DGKI: variants seen among roughly 807,000 people sequenced by gnomAD.
The protein encoded by DGKI is diacylglycerol kinase iota.
Under a neutral mutation model 147.5 loss-of-function variants are expected in DGKI, and 55 were observed. The observed-to-expected ratio is 0.37, with a 90% CI of 0.30 to 0.47. DGKI has a LOEUF of 0.47. Among genes scored for constraint, DGKI ranks in the 20% least tolerant of loss-of-function variants. The probability of loss-of-function intolerance (pLI) is 1.00; values close to 1 mark genes in which losing one functional copy is unlikely to be tolerated. For missense variants in DGKI, 1,007 were observed against 1,323.8 expected (o/e 0.76, Z 3.71); for synonymous variants, 469 against 477.1 (o/e 0.98, Z 0.22).
chr7:137,626,285 G>A (rs1394220051), intron 6 of DGKI, among the ~76,000 whole-genome samples: 1 of 150,962 alleles, frequency 6.6e-6, no homozygotes, highest in Non-Finnish European at 1.5e-5. Flanking sequence ...CTCTGTCAAT[G>A]ACAGTATCTT....
chr7:137,646,390 C>T (rs544570038), intron 5 of DGKI, among the ~76,000 whole-genome samples: 1 of 152,270 alleles, frequency 6.6e-6, no homozygotes, highest in Non-Finnish European at 1.5e-5. Context: ...CCTTGGGCAC[C>T]TTGAACTATT....
At chr7:137,444,250 A>G in intron 27 of DGKI, 148 bp from the exon 28 acceptor site, 1 of 553,728 alleles carries the variant, frequency 1.8e-6, no homozygotes, top group Non-Finnish European at 3.1e-6. Context: ...ATTGCATGGT[A>G]TATTTCAATC....
chr7:137,420,170 T>A (rs1239299381), intron 28 of DGKI, among the ~76,000 whole-genome samples: 1 of 152,202 alleles, frequency 6.6e-6, no homozygotes, highest in Admixed American at 6.5e-5. Context: ...CTTCTTGGGC[T>A]TTCTTATAAG....
chr7:137,491,000 T>C (rs1223640043), intron 21 of DGKI, among the ~76,000 whole-genome samples: 1 of 152,200 alleles, frequency 6.6e-6, no homozygotes, highest in Admixed American at 6.5e-5. Flanking sequence ...AATAAATAGA[T>C]TTTTAAAAGA....
chr7:137,433,187 G>A (rs1813146534), intron 28 of DGKI, among the ~76,000 whole-genome samples: 1 of 152,172 alleles, frequency 6.6e-6, no homozygotes, highest in Non-Finnish European at 1.5e-5. Flanking sequence ...GACCTAAGCA[G>A]CTATAATTGA....
chr7:137,772,342 C>T (rs1796227594), intron 1 of DGKI: 1 of 152,174 alleles, frequency 6.6e-6, no homozygotes, highest in African/African-American at 2.4e-5. Context: ...GTCTCCCCAA[C>T]TAGACTGTGA....
chr7:137,606,541 A>G lies in DGKI; in HGVS notation c.1167+2425T>C, dbSNP rs371643970. Among the ~76,000 whole-genome samples, 36 of 152,348 alleles carry G rather than the reference A, an allele frequency of 2.4e-4. 2 individuals are homozygous for G. In the South Asian group the frequency reaches 6.4e-3, roughly 27 times the overall value. On this transcript the variant is annotated intron_variant, in intron 10 of 32. Coordinates refer to ENST00000614521, the MANE Select transcript of DGKI (RefSeq NM_001321708.2). ...CCTGCGAGCTTATTACGAATGCAGC[A>G]TCTTAGGGCCCACCCCGACTTACTG...
intron 1 of DGKI, among the ~76,000 whole-genome samples, chr7:137,749,813 G>A (rs1795444919): frequency 6.6e-6 from 1 of 152,006 alleles, no homozygotes; most frequent in African/African-American, 2.4e-5. Flanking sequence ...CCTAAATGGT[G>A]CTCAATAAAT....
At chr7:137,640,530 A>G (rs539891176) in intron 6 of DGKI, among the ~76,000 whole-genome samples, 32 of 152,286 alleles carry the variant, frequency 2.1e-4, no homozygotes, top group Non-Finnish European at 3.7e-4. Context: ...AACCTGCCCA[A>G]TGAGTGCATG....
At chr7:137,618,146 TA>T (rs1442172984) in intron 8 of DGKI, among the ~76,000 whole-genome samples, 398 of 18,228 alleles carry the variant, frequency 0.022, 30 homozygotes, top group African/African-American at 0.051. Flanking sequence ...TATATATATA[TA>T]TATATTTTTT....
intron 27 of DGKI, among the ~76,000 whole-genome samples, chr7:137,453,584 G>A (rs1313354104): frequency 6.6e-6 from 1 of 152,166 alleles, no homozygotes; most frequent in African/African-American, 2.4e-5. Context: ...CAAACACACA[G>A]AGTGGCATTG....
At chr7:137,480,402 A>G (rs943498358) in intron 23 of DGKI, among the ~76,000 whole-genome samples, 5 of 152,194 alleles carry the variant, frequency 3.3e-5, no homozygotes, top group African/African-American at 7.2e-5. Context: ...GAAAGGAGAG[A>G]GATGAATAAG....
chr7:137,426,750 C>G (rs1172422721), intron 28 of DGKI, among the ~76,000 whole-genome samples: 7 of 151,170 alleles, frequency 4.6e-5, no homozygotes, highest in Non-Finnish European at 5.9e-5. Flanking sequence ...GGTTGCAATC[C>G]TAGTCTCTGA....
intron 15 of DGKI, among the ~76,000 whole-genome samples, chr7:137,579,915 T>C (rs994335091): frequency 1.3e-5 from 2 of 152,094 alleles, no homozygotes; most frequent in Non-Finnish European, 2.9e-5. Context: ...CAGCTTAAAA[T>C]AAAAGAGAAA....
chr7:137,782,984 G>A (rs927580639), intron 1 of DGKI, among the ~76,000 whole-genome samples: 7 of 152,154 alleles, frequency 4.6e-5, no homozygotes, highest in African/African-American at 1.2e-4. Flanking sequence ...AAACAGCAGC[G>A]CTTGAAGCCC....
At chr7:137,424,638 A>G (rs1304267622) in intron 28 of DGKI, among the ~76,000 whole-genome samples, 1 of 152,188 alleles carries the variant, frequency 6.6e-6, no homozygotes, top group African/African-American at 2.4e-5. Flanking sequence ...TGCTAGTCAG[A>G]GAAAGGGGTG....
chr7:137,774,453 A>T (rs547737980), intron 1 of DGKI: 1 of 152,294 alleles, frequency 6.6e-6, no homozygotes, highest in East Asian at 1.9e-4. Context: ...GTAAAAAAAA[A>T]TTTAAATGTC....
At chr7:137,548,327 T>C (rs1817930773) in intron 20 of DGKI, among the ~76,000 whole-genome samples, 1 of 152,150 alleles carries the variant, frequency 6.6e-6, no homozygotes, top group South Asian at 2.1e-4. Context: ...TGGATGTGTG[T>C]CCCATCCAAA....
chr7:137,473,402 T>C (rs1815055437), intron 23 of DGKI, among the ~76,000 whole-genome samples: 1 of 152,116 alleles, frequency 6.6e-6, no homozygotes, highest in South Asian at 2.1e-4. Context: ...CTCTCCAAAA[T>C]TGTATGCCAG....
Sources: gnomAD v4.1 joint callset for allele counts (sites outside exome capture counted in the v4.1 genomes callset) on GRCh38, gnomAD v4.1.1 for gene constraint, MANE v1.5 for transcripts, NCBI Gene and HGNC (gene_info 2026-07-23, HGNC 2026-07-21) for gene names.